Variants in SLC9A9 observed in about 807,000 individuals in gnomAD.
SLC9A9 encodes solute carrier family 9 member A9.
A neutral mutation model predicts 77.8 loss-of-function variants in SLC9A9; 62 were observed. The observed-to-expected ratio is 0.80, with a 90% CI of 0.65 to 0.98. The LOEUF (loss-of-function observed/expected upper bound fraction) is 0.98, where lower values mean the gene tolerates loss of function less well. Among genes scored for constraint, SLC9A9 ranks in the 50% least tolerant of loss-of-function variants. The pLI is 0.00. For missense variants in SLC9A9, 775 were observed against 774.9 expected (o/e 1.00, Z 0.00); for synonymous variants, 320 against 283.5 (o/e 1.13, Z -1.29).
At chr3:143,695,263 G>A (rs369222040) in intron 4 of SLC9A9, among the ~76,000 whole-genome samples, 1 of 152,064 alleles carries the variant, frequency 6.6e-6, no homozygotes, top group African/African-American at 2.4e-5. Flanking sequence ...GTATATACAT[G>A]CCATGGTGGT....
chr3:143,452,629 T>C (rs187863316), intron 12 of SLC9A9, among the ~76,000 whole-genome samples: 1 of 152,154 alleles, frequency 6.6e-6, no homozygotes, highest in Admixed American at 6.5e-5. Context: ...ATACTGTCAA[T>C]TGTTAAAAAA....
chr3:143,690,669 A>T (rs1933434831), intron 5 of SLC9A9, among the ~76,000 whole-genome samples: 1 of 152,164 alleles, frequency 6.6e-6, no homozygotes, highest in Non-Finnish European at 1.5e-5. Flanking sequence ...AATGAAACGT[A>T]TCATCTATGT....
chr3:143,556,821 T>C (rs1373504771), intron 8 of SLC9A9, among the ~76,000 whole-genome samples: 1 of 152,242 alleles, frequency 6.6e-6, no homozygotes, highest in African/African-American at 2.4e-5. Flanking sequence ...TGATAGTTCT[T>C]GGAAACCACA....
At chr3:143,504,932 G>T (rs1195881056) in intron 9 of SLC9A9, among the ~76,000 whole-genome samples, 1 of 152,106 alleles carries the variant, frequency 6.6e-6, no homozygotes, top group Non-Finnish European at 1.5e-5. Context: ...TACGATTCAG[G>T]CTCTGGAGTG....
At chr3:143,317,815 C>T (rs2031272353) in intron 14 of SLC9A9, among the ~76,000 whole-genome samples, 1 of 152,140 alleles carries the variant, frequency 6.6e-6, no homozygotes, top group Non-Finnish European at 1.5e-5. Flanking sequence ...GCAAGCTCTG[C>T]CTCCCAGGTT....
intron 9 of SLC9A9, among the ~76,000 whole-genome samples, chr3:143,504,677 C>A (rs2035981626): frequency 6.6e-6 from 1 of 151,948 alleles, no homozygotes; most frequent in African/African-American, 2.4e-5. Flanking sequence ...TTTTTTAGGA[C>A]CTAAATTGTA....
intron 14 of SLC9A9, among the ~76,000 whole-genome samples, chr3:143,328,295 T>G (rs2031662091): frequency 6.6e-6 from 1 of 152,260 alleles, no homozygotes; most frequent in Middle Eastern, 3.2e-3. Context: ...TCAATTTTTC[T>G]GTAAATCTAG....
chr3:143,804,827 T>A (rs1308823631), intron 2 of SLC9A9, among the ~76,000 whole-genome samples: 1 of 152,174 alleles, frequency 6.6e-6, no homozygotes, highest in East Asian at 1.9e-4. Flanking sequence ...GTCACGACCT[T>A]CCGTAGCCTG....
At chr3:143,452,385 A>G (rs1414152526) in intron 12 of SLC9A9, among the ~76,000 whole-genome samples, 1 of 151,966 alleles carries the variant, frequency 6.6e-6, no homozygotes, top group Non-Finnish European at 1.5e-5. Context: ...ACCGAAAAGA[A>G]TACATTAATT....
chr3:143,331,915 AAAATGTGAC>A (rs1481529830), intron 14 of SLC9A9, among the ~76,000 whole-genome samples: 1 of 152,228 alleles, frequency 6.6e-6, no homozygotes, highest in Non-Finnish European at 1.5e-5. Flanking sequence ...ATCCTCACAG[AAAATGTGAC>A]ATTCAACATG....
intron 8 of SLC9A9, among the ~76,000 whole-genome samples, chr3:143,570,922 T>C (rs2037246471): frequency 6.6e-6 from 1 of 152,166 alleles, no homozygotes; most frequent in Non-Finnish European, 1.5e-5. Context: ...TTTTCTACAG[T>C]GAGTATGGAT....
intron 9 of SLC9A9, among the ~76,000 whole-genome samples, chr3:143,500,539 A>T (rs1421344068): frequency 6.6e-6 from 1 of 151,974 alleles, no homozygotes; most frequent in African/African-American, 2.4e-5. Flanking sequence ...CAGGTCCTGG[A>T]TGTCATGGCT....
chr3:143,357,105 C>T (rs922328534), intron 14 of SLC9A9, among the ~76,000 whole-genome samples: 1 of 152,128 alleles, frequency 6.6e-6, no homozygotes, highest in Non-Finnish European at 1.5e-5. Context: ...TAGGGAGAGC[C>T]TTTAGGAAGC....
chr3:143,689,556 C>A (rs1933389476), intron 5 of SLC9A9, among the ~76,000 whole-genome samples: 1 of 151,926 alleles, frequency 6.6e-6, no homozygotes, highest in Non-Finnish European at 1.5e-5. Context: ...TGGTGTGCAC[C>A]ACCACACTAG....
chr3:143,755,824 C>T (rs1378403736), intron 4 of SLC9A9, among the ~76,000 whole-genome samples: 3 of 151,562 alleles, frequency 2.0e-5, no homozygotes, highest in Admixed American at 6.6e-5. Flanking sequence ...TGTACAAATG[C>T]ATGTGTGTGT....
At chr3:143,728,181 G>T (rs1267332916) in intron 4 of SLC9A9, among the ~76,000 whole-genome samples, 4 of 152,112 alleles carry the variant, frequency 2.6e-5, no homozygotes, top group Non-Finnish European at 5.9e-5. Context: ...AAAAGGTGCT[G>T]CCCTTTTTGG....
intron 2 of SLC9A9, among the ~76,000 whole-genome samples, chr3:143,802,832 CT>C (rs1297662630): frequency 6.6e-6 from 1 of 152,166 alleles, no homozygotes; most frequent in Non-Finnish European, 1.5e-5. Context: ...GAATTAGAGC[CT>C]GTCCTCGAGA....
At chr3:143,569,849 T>C (rs971576592) in intron 8 of SLC9A9, among the ~76,000 whole-genome samples, 5 of 151,246 alleles carry the variant, frequency 3.3e-5, no homozygotes, top group African/African-American at 1.2e-4. Context: ...GGTATCTCTT[T>C]GTTGCCCAGA....
intron 12 of SLC9A9, among the ~76,000 whole-genome samples, chr3:143,399,118 A>G (rs945179397): frequency 6.6e-6 from 1 of 152,164 alleles, no homozygotes; most frequent in African/African-American, 2.4e-5. Flanking sequence ...GAATCAAGTC[A>G]AAAATACGTC....
Sources: gnomAD v4.1 joint callset for allele counts (sites outside exome capture counted in the v4.1 genomes callset) on GRCh38, gnomAD v4.1.1 for gene constraint, MANE v1.5 for transcripts, NCBI Gene and HGNC (gene_info 2026-07-23, HGNC 2026-07-21) for gene names.